Variants in GLIS3 observed in about 807,000 individuals in gnomAD.
The protein encoded by GLIS3 is GLIS family zinc finger 3, also known as zinc finger protein GLIS3.
In GLIS3, 53 loss-of-function variants were observed where a neutral mutation model predicts 78.6. That is an observed-to-expected ratio of 0.67 (90% CI 0.54 to 0.85). The LOEUF (loss-of-function observed/expected upper bound fraction) is 0.85. Ranked by LOEUF, GLIS3 falls within the 40% of genes least tolerant of loss-of-function variation. GLIS3 has a pLI of 0.00. For missense variants in GLIS3, 1,703 were observed against 1,231.1 expected, an observed-to-expected ratio of 1.38 and a Z score of -5.74; for synonymous variants, 684 against 509.9, an observed-to-expected ratio of 1.34 and a Z score of -4.60.
chr9:4,423,820 C>A, the GLIS3 span, among the ~76,000 whole-genome samples: 1 of 152,284 alleles, frequency 6.6e-6, no homozygotes, highest in South Asian at 2.1e-4. Flanking sequence ...AACATTCACA[C>A]AAACACATAC....
rs746600042 is a variant in GLIS3 at position 3,828,282 on chromosome 9, G to A, written c.2783C>T (p.Thr928Ile). ...TGGCCAAGAGAGCTTTTAGCCTTCGGTGTAGACAGAGGAGAGCTGGCTAGG... is the reference window on the plus strand; with the variant it reads ...TGGCCAAGAGAGCTTTTAGCCTTCGATGTAGACAGAGGAGAGCTGGCTAGG... ...RCPSQLSSVY[T>I]EG is the part of the protein sequence containing the mutation. Residue 928 changes from threonine to isoleucine, a missense_variant, in exon 11 of 11, where the codon ACC becomes ATC. By Grantham distance (89) the Thr-to-Ile change is moderately conservative. Coordinates refer to ENST00000381971, the MANE Select transcript of GLIS3 (RefSeq NM_001042413.2). 2.1e-5 allele frequency: 34 copies of A among 1,613,988 alleles called. No homozygotes were observed. The highest frequency in any genetic ancestry group is 2.9e-5 in the Non-Finnish European group (34 of 1,180,022).
chr9:4,395,079 G>C, the GLIS3 span, among the ~76,000 whole-genome samples: 2 of 152,156 alleles, frequency 1.3e-5, no homozygotes, highest in African/African-American at 2.4e-5. Flanking sequence ...TCATCAAGAA[G>C]TAAAGGGGCA....
intron 2 of GLIS3, among the ~76,000 whole-genome samples, chr9:4,228,290 G>C (rs902766244): frequency 2.0e-5 from 3 of 151,866 alleles, no homozygotes; most frequent in African/African-American, 7.3e-5. Flanking sequence ...ATGCTGACGG[G>C]ACCTCTAGGC....
At chr9:4,290,066 C>T (rs1828320050) in intron 1 of GLIS3, among the ~76,000 whole-genome samples, 1 of 152,100 alleles carries the variant, frequency 6.6e-6, no homozygotes, top group African/African-American at 2.4e-5. Flanking sequence ...GTTAACTCAT[C>T]CATTCCAGAA....
chr9:4,451,998 C>A, the GLIS3 span, among the ~76,000 whole-genome samples: 1 of 151,896 alleles, frequency 6.6e-6, no homozygotes, highest in African/African-American at 2.4e-5. Flanking sequence ...TTCATCCCTG[C>A]GATGCAAGTC....
At chr9:3,915,248 A>G (rs1399762512) in intron 6 of GLIS3, among the ~76,000 whole-genome samples, 1 of 152,138 alleles carries the variant, frequency 6.6e-6, no homozygotes, top group Admixed American at 6.6e-5. Context: ...CTTTCTTCTT[A>G]TCATCCACCC....
At chr9:4,242,392 G>A (rs1377402173) in intron 2 of GLIS3, among the ~76,000 whole-genome samples, 2 of 150,256 alleles carry the variant, frequency 1.3e-5, no homozygotes, top group Non-Finnish European at 2.9e-5. Context: ...TGCTTTCTGA[G>A]GAACAATTCC....
chr9:4,188,844 C>G (rs62543600), intron 2 of GLIS3, among the ~76,000 whole-genome samples: 1 of 152,042 alleles, frequency 6.6e-6, no homozygotes, highest in Non-Finnish European at 1.5e-5. Context: ...GTGGTGATAT[C>G]TCCTTTATTA....
intron 2 of GLIS3, among the ~76,000 whole-genome samples, chr9:4,329,409 G>A (rs1431375271): frequency 6.6e-6 from 1 of 151,976 alleles, no homozygotes; most frequent in Non-Finnish European, 1.5e-5. Flanking sequence ...TGAAAAAAAA[G>A]ATACCTCCAA....
intron 2 of GLIS3, among the ~76,000 whole-genome samples, chr9:4,188,907 C>T (rs1260894206): frequency 6.6e-6 from 1 of 152,010 alleles, no homozygotes; most frequent in Non-Finnish European, 1.5e-5. Flanking sequence ...ATTAGTCTTG[C>T]TAGCGGTCTA....
At position 3,920,027 on chromosome 9, in the gene GLIS3, A is replaced by G. The variant is rs1189818410; in HGVS notation, c.1983+12333T>C. Among the ~76,000 whole-genome samples, 31 of 132,958 alleles carry G rather than the reference A, an allele frequency of 2.3e-4. No individual in the cohort carries two copies. The South Asian group carries it at 5.7e-3, about 24-fold the overall frequency. 87.2% of individuals were successfully genotyped at this position (132,958 alleles called of 152,430 possible). A position where few individuals can be genotyped will look rare whatever the true frequency, so the allele number is the denominator to read the frequency against. On this transcript the variant is annotated intron_variant, in intron 6 of 10. Coordinates refer to ENST00000381971, the MANE Select transcript of GLIS3 (RefSeq NM_001042413.2). ...TTTTTTTTTTTTTTTTTTTTGAGAC[A>G]GAGTCTCACTCTGTTGCCCAGGCTG...
intron 3 of GLIS3, among the ~76,000 whole-genome samples, chr9:4,125,310 G>T (rs538602483): frequency 6.6e-6 from 1 of 152,170 alleles, no homozygotes; most frequent in Non-Finnish European, 1.5e-5. Flanking sequence ...TGCACAGATG[G>T]ACAAGACAGA....
chr9:3,970,802 A>G (rs1368323869), intron 4 of GLIS3, among the ~76,000 whole-genome samples: 3 of 152,182 alleles, frequency 2.0e-5, no homozygotes, highest in African/African-American at 7.2e-5. Flanking sequence ...GAAGCTGGCA[A>G]TTGAAGAGAG....
intron 6 of GLIS3, among the ~76,000 whole-genome samples, chr9:3,899,959 C>G (rs1823161984): frequency 6.6e-6 from 1 of 152,104 alleles, no homozygotes; most frequent in South Asian, 2.1e-4. Flanking sequence ...AGGAAAGCCT[C>G]TTGAAGATGG....
At chr9:4,476,252 T>G in the GLIS3 span, among the ~76,000 whole-genome samples, 2 of 152,186 alleles carry the variant, frequency 1.3e-5, no homozygotes, top group African/African-American at 2.4e-5. Context: ...AAATAATTCT[T>G]TACAGTATCT....
chr9:4,252,086 G>C lies in GLIS3; in HGVS notation c.388+33952C>G, dbSNP rs138386811. On this transcript the variant is annotated intron_variant, in intron 2 of 10. Transcript: ENST00000381971. ...GTGAATCTGATAATTATGTGTCTTG[G>C]GGTTGCTCTTCTCAAGGAGTATCTT... 9.8e-3 allele frequency among the ~76,000 whole-genome samples: 1,496 copies of C among 152,066 alleles called. 23 individuals carry two copies. The highest frequency in any genetic ancestry group is 0.034 in the African/African-American group (1,431 of 41,482).
chr9:4,284,744 CAAAAAAAAAAAAA>C (rs925210976), intron 2 of GLIS3, among the ~76,000 whole-genome samples: 3 of 124,020 alleles, frequency 2.4e-5, no homozygotes, highest in African/African-American at 9.0e-5. Flanking sequence ...AATCCTGTCT[CAAAAAAAAAAAAA>C]GAAAAAAAAA....
the GLIS3 span, among the ~76,000 whole-genome samples, chr9:4,456,650 T>C: frequency 2.0e-5 from 3 of 152,206 alleles, no homozygotes; most frequent in African/African-American, 4.8e-5. Flanking sequence ...CTAGGATTAA[T>C]CTTTTCCAGC....
At chr9:4,364,756 C>CTTTTTTTTTTTTTTTTTTTTTTTTTTT in the GLIS3 span, among the ~76,000 whole-genome samples, 1 of 61,080 alleles carries the variant, frequency 1.6e-5, no homozygotes, top group Non-Finnish European at 2.9e-5. Flanking sequence ...TCATGTATTG[C>CTTTTTTTTTTTTTTTTTTTTTTTTTTT]TTTTTTTTTT....
Sources: gnomAD v4.1 joint callset for allele counts (sites outside exome capture counted in the v4.1 genomes callset) on GRCh38, gnomAD v4.1.1 for gene constraint, MANE v1.5 for transcripts, NCBI Gene and HGNC (gene_info 2026-07-23, HGNC 2026-07-21) for gene names.